The following HGS variants were observed in gnomAD, a reference collection of about 807,000 sequenced individuals.
HGS encodes the protein human growth factor-regulated tyrosine kinase substrate.
In HGS, 63 loss-of-function variants were observed where a neutral mutation model predicts 109.7. The ratio of observed to expected loss-of-function variants is 0.57; its 90% CI spans 0.47 to 0.71. The LOEUF (loss-of-function observed/expected upper bound fraction) is 0.71, where lower values mean the gene tolerates loss of function less well. HGS is among the 30% of genes least tolerant of loss of function. The pLI, the probability that HGS is intolerant of heterozygous loss-of-function variation, is 0.00. For synonymous variants in HGS, 546 were observed against 437.3 expected (o/e 1.25, Z -3.10); for missense variants, 995 against 1,068.3 (o/e 0.93, Z 0.96).
At chr17:81,690,541 C>A in intron 6 of HGS, 133 bp from the exon 7 acceptor site, 1 of 853,214 alleles carries the variant, frequency 1.2e-6, no homozygotes, top group Non-Finnish European at 1.8e-6. Context: ...TGGGAAGGGC[C>A]GCCCGGGGCA....
rs1203470152 is a variant in HGS, at chr17:81,701,960, G to GC, written c.*343dup. On this transcript the variant is annotated 3_prime_UTR_variant, in exon 22 of 22. Coordinates refer to ENST00000329138, the MANE Select transcript of HGS (RefSeq NM_004712.5). The stretch of plus-strand genomic sequence containing the variant: ...TGCCCTCTGGCCGCACTGTGAGCTG[G>GC]CTGTGGTGTCTGGGTGTGGCCTGGG... 4.4e-6 allele frequency: 1 copy of GC among 227,212 alleles called. No homozygotes were observed. Among genetic ancestry groups the GC allele is most frequent in the Non-Finnish European group, 8.6e-6 (1 of 116,394 alleles). The allele number at this position is 227,212 out of a possible 1,614,324, so 14.1% of individuals were successfully genotyped here.
intron 7 of HGS, chr17:81,690,959 G>C (rs1019480452): frequency 4.5e-5 from 24 of 537,340 alleles, no homozygotes; most frequent in Non-Finnish European, 7.5e-5. Flanking sequence ...GCCTCACTCT[G>C]GAATTATAAT....
intron 4 of HGS, among the ~76,000 whole-genome samples, chr17:81,688,052 G>A (rs569568953): frequency 7.5e-4 from 115 of 152,324 alleles, no homozygotes; most frequent in Non-Finnish European, 1.5e-3. Context: ...GGAAGGCGCC[G>A]CTGAGGATGC....
intron 6 of HGS, 136 bp downstream of exon 6, chr17:81,690,370 C>T (rs1236917620): frequency 4.3e-6 from 4 of 933,908 alleles, no homozygotes; most frequent in Admixed American, 2.0e-5. Flanking sequence ...GCCTGTGTGT[C>T]CTGGGCGGAG....
chr17:81,695,786 C>T lies in HGS; in HGVS notation c.1180C>T (p.Pro394Ser). Residue 394 changes from proline (P) to serine (S), a missense_variant and splice_region_variant, in exon 15 of 22, where the codon CCA becomes TCA. Pro to Ser is a moderately conservative substitution (Grantham distance 74). Coordinates refer to ENST00000329138, the MANE Select transcript of HGS (RefSeq NM_004712.5). ...ATCCAGAACCCTGCTCTGCCTGCAG[C>T]CACAGTTCCACAATGGCGAGTCTGA... ...IPPSGGPFSE[P>S]QFHNGESEES... is the part of the protein sequence containing the mutation. 2.5e-6 allele frequency: 4 copies of T among 1,613,332 alleles called. No homozygotes were observed. Among genetic ancestry groups the T allele is most frequent in the Non-Finnish European group, 3.4e-6 (4 of 1,179,976 alleles).
At chr17:81,687,219 T>A (rs973654047) in intron 4 of HGS, 124 bp downstream of exon 4, 11 of 695,738 alleles carry the variant, frequency 1.6e-5, no homozygotes, top group Non-Finnish European at 2.8e-5. Context: ...TGCAGATCGG[T>A]GGTCCCTGCA....
chr17:81,687,919 C>G (rs543212068), intron 4 of HGS, among the ~76,000 whole-genome samples: 3 of 152,330 alleles, frequency 2.0e-5, no homozygotes, highest in African/African-American at 7.2e-5. Flanking sequence ...CCGTCCTGTC[C>G]TGGCTGAGAG....
At position 81,694,823 on chromosome 17, in the gene HGS, G is replaced by A. The variant is rs1380989097; in HGVS notation, c.945G>A (p.Ser315=). The change falls in exon 12 of 22, where the codon TCG becomes TCA. Residue 315 remains serine (S), a synonymous_variant. Transcript: ENST00000329138. ...SSLYSSPVNS[S]APLAEDIDPE... is the part of the protein sequence containing the mutation. ...TGCCCTTTTCTCCCCAGAACTCGTC[G>A]GCGCCTCTGGCTGAGGACATCGACC... is the stretch of plus-strand genomic sequence containing the variant. 1.5e-5 allele frequency: 24 copies of A among 1,614,118 alleles called. No homozygotes were observed. Among genetic ancestry groups the A allele is most frequent in the Admixed American group, 3.3e-5 (2 of 60,006 alleles).
At position 81,688,811 on chromosome 17, in the gene HGS, G is replaced by C. The variant is rs2037022131; in HGVS notation, c.399G>C (p.Gln133His). The change falls in exon 5 of 22, where the codon CAG becomes CAC. Residue 133 changes from glutamine to histidine, a missense_variant. By Grantham distance (24) the Gln-to-His change is conservative (BLOSUM62 0). Coordinates refer to ENST00000329138, the MANE Select transcript of HGS (RefSeq NM_004712.5). Reference sequence around the variant, plus strand: ...ACAAGGTGGTCCAGGACACCTACCAGATCATGAAGGTGGAGGGTGAGTCAG... The same window carrying C: ...ACAAGGTGGTCCAGGACACCTACCACATCATGAAGGTGGAGGGTGAGTCAG... The part of the protein sequence containing the change: ...PKYKVVQDTY[Q>H]IMKVEGHVFP... 6.2e-7 allele frequency: 1 copy of C among 1,614,056 alleles called. No individual in the cohort carries two copies. Among genetic ancestry groups the C allele is most frequent in the Non-Finnish European group, 8.5e-7 (1 of 1,180,016 alleles).
At chr17:81,686,584 TA>T (rs559897947) in intron 3 of HGS, among the ~76,000 whole-genome samples, 197 bp downstream of exon 3, 44 of 152,134 alleles carry the variant, frequency 2.9e-4, no homozygotes, top group Non-Finnish European at 6.0e-4. Flanking sequence ...AGACAGGAGA[TA>T]GGGGAGGGAG....
At position 81,694,985 on chromosome 17, in the gene HGS, C is replaced by T. The variant is rs748667872; in HGVS notation, c.1037C>T (p.Pro346Leu). 6.2e-6 allele frequency: 10 copies of T among 1,614,002 alleles called. No individual in the cohort carries two copies. In the Admixed American group the frequency reaches 6.7e-5, roughly 11 times the overall value. ...AAGCAGGAGGAGGCTCGCAAGAGCC[C>T]CACGCCATCTGCGCCCGTGCCCCTG... Reference protein sequence around the residue: ...EKKQEEARKSPTPSAPVPLTE... With the variant: ...EKKQEEARKSLTPSAPVPLTE... The change falls in exon 13 of 22, where the codon CCC becomes CTC. Residue 346 changes from proline (P) to leucine (L), a missense_variant. Pro to Leu is a moderately conservative substitution (Grantham distance 98). Around this residue, in one of 6 missense-constraint regions of HGS, gnomAD observed 300 missense variants for 235.4 expected, o/e 1.27. Transcript: ENST00000329138.
At chr17:81,693,470 C>G in intron 8 of HGS, 33 bp from the exon 9 acceptor site, 1 of 1,551,846 alleles carries the variant, frequency 6.4e-7, no homozygotes, top group Non-Finnish European at 8.9e-7. Flanking sequence ...GGTGTCAGCG[C>G]ATGGTGACCT....
Position 81,690,782 on chromosome 17 carries a change from C to T in HGS, c.537+40C>T, listed in dbSNP as rs754442756. On this transcript the variant is annotated intron_variant, in intron 7 of 21. Coordinates refer to ENST00000329138, the MANE Select transcript of HGS (RefSeq NM_004712.5). Reference sequence around the variant, plus strand: ...GGGGGGCTCTACAGCCCCGGCCAGACACCAGGTCCCCTGCCGTGCACAAGG... The same window carrying T: ...GGGGGGCTCTACAGCCCCGGCCAGATACCAGGTCCCCTGCCGTGCACAAGG... 8 of 1,568,950 alleles carry T rather than the reference C, an allele frequency of 5.1e-6. No homozygotes were observed. The South Asian group carries it at 7.9e-5, about 15-fold the overall frequency.
Position 81,693,574 on chromosome 17 carries a change from A to C in HGS, c.734A>C (p.Gln245Pro), listed in dbSNP as rs922968989. 10 of 1,606,918 alleles carry C rather than the reference A, an allele frequency of 6.2e-6. No individual in the cohort carries two copies. The highest frequency in any genetic ancestry group is 5.0e-5 in the Admixed American group (3 of 59,732). The change falls in exon 9 of 22, where the codon CAG (glutamine) becomes CCG (proline). Residue 245 changes from glutamine to proline, a missense_variant. Coordinates refer to ENST00000329138, the MANE Select transcript of HGS (RefSeq NM_004712.5). Reference protein sequence around the residue: ...PEYLTSPLSQQSQLPPKRDET... With the variant: ...PEYLTSPLSQPSQLPPKRDET... Reference sequence around the variant, plus strand: ...TACCTGACCAGCCCCCTGTCTCAGCAGTCCCAGGTACTCAGCCCCCTCCGT... The same window carrying C: ...TACCTGACCAGCCCCCTGTCTCAGCCGTCCCAGGTACTCAGCCCCCTCCGT...
chr17:81,696,578 A>G, intron 16 of HGS, 29 bp from the exon 17 acceptor site: 1 of 1,566,376 alleles, frequency 6.4e-7, no homozygotes, highest in Non-Finnish European at 8.7e-7. Context: ...GGGACCTCGC[A>G]GCATAACCAG....
Position 81,685,709 on chromosome 17 carries a change from G to T in HGS, c.122+20G>T, listed in dbSNP as rs762947031. ...CACACAGTGAGTTAGCGGGGCCTGT[G>T]CCCTGATGCGGAGGAGCAGCCGTGC... On this transcript the variant is annotated intron_variant, in intron 2 of 21. Transcript: ENST00000329138. 2 of 1,598,990 alleles carry T rather than the reference G, an allele frequency of 1.3e-6. No homozygotes were observed. Among genetic ancestry groups the T allele is most frequent in the Non-Finnish European group, 1.7e-6 (2 of 1,170,178 alleles).
intron 1 of HGS, among the ~76,000 whole-genome samples, chr17:81,684,743 C>A (rs1236889768): frequency 6.6e-6 from 1 of 152,128 alleles, no homozygotes; most frequent in Admixed American, 6.5e-5. Context: ...GTGGAAAATG[C>A]GTCTAATGTT....
At chr17:81,690,360 G>C (rs562510967) in intron 6 of HGS, 126 bp downstream of exon 6, 1 of 996,962 alleles carries the variant, frequency 1.0e-6, no homozygotes, top group African/African-American at 1.6e-5. Flanking sequence ...ACCTGAGGAT[G>C]CCTGTGTGTC....
Position 81,693,875 on chromosome 17 carries a change from G to A in HGS, c.846G>A (p.Gln282=). ...SEAEEKERLR[Q]KSTYTSYPKA... is the part of the protein sequence containing the mutation. ...CCCTTCTGATTCTGCCTCAGAGACA[G>A]AAGTCCACGTACACTTCGTACCCCA... Residue 282 remains glutamine, a synonymous_variant, in exon 11 of 22, where the codon CAG becomes CAA. Coordinates refer to ENST00000329138, the MANE Select transcript of HGS (RefSeq NM_004712.5). 1 of 1,607,736 alleles carries A rather than the reference G, an allele frequency of 6.2e-7. No homozygotes were observed. Among genetic ancestry groups the A allele is most frequent in the Non-Finnish European group, 8.5e-7 (1 of 1,178,448 alleles).
Sources: allele counts gnomAD v4.1 joint callset (sites outside exome capture counted in the v4.1 genomes callset), GRCh38; gene constraint gnomAD v4.1.1; regional missense constraint gnomAD v4.1.1; transcripts MANE v1.5; gene names NCBI Gene and HGNC (gene_info 2026-07-23, HGNC 2026-07-21).